PTPN4: variants seen among roughly 807,000 people sequenced by gnomAD.
PTPN4 encodes tyrosine-protein phosphatase non-receptor type 4.
In PTPN4, 49 loss-of-function variants were observed where a neutral mutation model predicts 135.5. The observed-to-expected ratio is 0.36, with a 90% CI of 0.29 to 0.46. The LOEUF (loss-of-function observed/expected upper bound fraction) is 0.46, where lower values mean the gene tolerates loss of function less well. Ranked by LOEUF, PTPN4 falls within the 20% of genes least tolerant of loss-of-function variation. The pLI, the probability that PTPN4 is intolerant of heterozygous loss-of-function variation, is 1.00. For synonymous variants in PTPN4, 333 were observed against 369.9 expected (o/e 0.90, Z 1.14); for missense variants, 860 against 1,101.0 (o/e 0.78, Z 3.10).
At chr2:119,852,010 G>A (rs940020377) in intron 2 of PTPN4, among the ~76,000 whole-genome samples, 8 of 152,106 alleles carry the variant, frequency 5.3e-5, no homozygotes, top group Non-Finnish European at 1.2e-4. Flanking sequence ...GTAGGTTTTG[G>A]TCTGTGAGGA....
rs572432517 is a variant in PTPN4, at chr2:119,763,530, A to G, written c.-18+3146A>G. Among the ~76,000 whole-genome samples the G allele has an allele frequency of 1.2e-4, 19 of 152,292 alleles. No individual in the cohort carries two copies. In the South Asian group the frequency reaches 2.3e-3, roughly 18 times the overall value. The stretch of plus-strand genomic sequence containing the variant: ...GTCCTCTCCCTGCCAAATAGAAGCT[A>G]AGGGAAATGAAATAACTTGTCTAGG... On this transcript the variant is annotated intron_variant, in intron 1 of 26. Coordinates refer to ENST00000263708, the MANE Select transcript of PTPN4 (RefSeq NM_002830.4).
intron 2 of PTPN4, among the ~76,000 whole-genome samples, chr2:119,844,495 A>T (rs1344901197): frequency 7.2e-6 from 1 of 139,514 alleles, no homozygotes; most frequent in Admixed American, 7.0e-5. Flanking sequence ...CACTTCTCAG[A>T]CGGGGTGGTT....
Position 119,984,702 on chromosome 2 carries a change from CAAGAT to C in PTPN4, c.*7635_*7639del, listed in dbSNP as rs1015853137. Reference sequence around the variant, plus strand: ...ACAAAAAAATTACAACTACAGCAAACAAGATAAAAATGCTGGTTTGCATTAATACT... The same window carrying C: ...ACAAAAAAATTACAACTACAGCAAACAAAAATGCTGGTTTGCATTAATACT... On this transcript the variant is annotated 3_prime_UTR_variant, in exon 27 of 27. Transcript: ENST00000263708. 7.9e-5 allele frequency among the ~76,000 whole-genome samples: 12 copies of C among 152,110 alleles called. No homozygotes were observed. Among genetic ancestry groups the C allele is most frequent in the African/African-American group, 2.7e-4 (11 of 41,426 alleles).
At chr2:119,949,550 G>A (rs535853277) in intron 18 of PTPN4, among the ~76,000 whole-genome samples, 61 of 152,176 alleles carry the variant, frequency 4.0e-4, no homozygotes, top group African/African-American at 9.2e-4. Flanking sequence ...TCATTTTAAC[G>A]TAGTTTATTG....
At chr2:119,854,437 C>A (rs1278545221) in intron 2 of PTPN4, among the ~76,000 whole-genome samples, 1 of 152,142 alleles carries the variant, frequency 6.6e-6, no homozygotes, top group Non-Finnish European at 1.5e-5. Flanking sequence ...CTTAATAACT[C>A]CCGTAATATT....
intron 10 of PTPN4, among the ~76,000 whole-genome samples, chr2:119,902,755 G>A (rs1227083264): frequency 1.3e-5 from 2 of 152,190 alleles, no homozygotes; most frequent in Non-Finnish European, 2.9e-5. Context: ...ATCCTCAATA[G>A]TTCACATTTG....
At chr2:119,962,487 T>G in intron 23 of PTPN4, 129 bp from the exon 24 acceptor site, 1 of 511,880 alleles carries the variant, frequency 2.0e-6, no homozygotes, top group East Asian at 5.2e-5. Context: ...CAGATCGAGA[T>G]GAAATTTATT....
chr2:119,772,702 TA>T (rs1323448556), intron 1 of PTPN4, among the ~76,000 whole-genome samples: 4 of 152,138 alleles, frequency 2.6e-5, no homozygotes, highest in Non-Finnish European at 5.9e-5. Context: ...CACACCCAGC[TA>T]ATTTTTTATA....
chr2:119,817,154 A>G (rs1677000105), intron 2 of PTPN4, among the ~76,000 whole-genome samples: 4 of 152,066 alleles, frequency 2.6e-5, no homozygotes. Context: ...CCTGAATGGT[A>G]TTGCCTAGGT....
chr2:119,962,483 G>A (rs985790723), intron 23 of PTPN4, 133 bp from the exon 24 acceptor site: 1 of 453,516 alleles, frequency 2.2e-6, no homozygotes, highest in South Asian at 8.6e-5. Context: ...TCAGCAGATC[G>A]AGATGAAATT....
chr2:119,871,989 A>G (rs1395725823), intron 3 of PTPN4, among the ~76,000 whole-genome samples: 1 of 152,206 alleles, frequency 6.6e-6, no homozygotes, highest in Non-Finnish European at 1.5e-5. Flanking sequence ...TTATAATAAA[A>G]TGATGAAAGA....
intron 2 of PTPN4, among the ~76,000 whole-genome samples, chr2:119,844,657 C>A (rs898929319): frequency 6.0e-5 from 9 of 149,398 alleles, no homozygotes; most frequent in African/African-American, 2.0e-4. Context: ...AGAGGATGGG[C>A]GGCCGGGCAG....
intron 9 of PTPN4, among the ~76,000 whole-genome samples, chr2:119,896,978 T>C (rs1177149016): frequency 3.9e-5 from 6 of 152,212 alleles, no homozygotes; most frequent in African/African-American, 9.7e-5. Flanking sequence ...TGAAGTATAG[T>C]GGTGCAGTCT....
intron 1 of PTPN4, among the ~76,000 whole-genome samples, chr2:119,771,877 A>G (rs1314051723): frequency 6.6e-6 from 1 of 152,196 alleles, no homozygotes; most frequent in Non-Finnish European, 1.5e-5. Flanking sequence ...GCAGTTTGCT[A>G]TAGTTTTGCC....
At chr2:119,786,105 A>T (rs1210889016) in intron 1 of PTPN4, among the ~76,000 whole-genome samples, 4 of 152,188 alleles carry the variant, frequency 2.6e-5, no homozygotes, top group African/African-American at 9.7e-5. Context: ...ATAGCCTAGG[A>T]CAGTGCTACT....
chr2:119,862,439 G>A, intron 2 of PTPN4, 97 bp from the exon 3 acceptor site: 7 of 1,072,784 alleles, frequency 6.5e-6, no homozygotes, highest in Non-Finnish European at 9.5e-6. Flanking sequence ...TGGCATAAAT[G>A]GGTTAATAGA....
At chr2:119,949,259 A>T (rs1574417544) in intron 18 of PTPN4, among the ~76,000 whole-genome samples, 2 of 152,232 alleles carry the variant, frequency 1.3e-5, no homozygotes, top group South Asian at 4.1e-4. Flanking sequence ...GGGGGAAAAA[A>T]TTAAAACAAT....
chr2:119,940,960 A>G (rs1253252809), intron 15 of PTPN4, among the ~76,000 whole-genome samples: 3 of 152,164 alleles, frequency 2.0e-5, no homozygotes, highest in African/African-American at 4.8e-5. Flanking sequence ...TAAAGCCAGT[A>G]AATGCTGGCC....
Position 119,847,315 on chromosome 2 carries a change from C to CATAT in PTPN4, c.139-15210_139-15207dup, listed in dbSNP as rs1307603803. On this transcript the variant is annotated intron_variant, in intron 2 of 26. Coordinates refer to ENST00000263708, the MANE Select transcript of PTPN4 (RefSeq NM_002830.4). Reference sequence around the variant, plus strand: ...ACACACACACACACACACACACACACATATATATATATATTTTTTTTTTTT... The same window carrying CATAT: ...ACACACACACACACACACACACACACATATATATATATATATATTTTTTTTTTTT... Among the ~76,000 whole-genome samples the CATAT allele has an allele frequency of 1.8e-3, 166 of 94,476 alleles. 1 individual carries two copies. The highest frequency in any genetic ancestry group is 0.016 in the South Asian group (42 of 2,674). The allele number at this position is 94,476 out of a possible 152,430, so 62.0% of individuals were successfully genotyped here. A position where few individuals can be genotyped will look rare whatever the true frequency, so the allele number is the denominator to read the frequency against.
Sources: allele counts gnomAD v4.1 joint callset (sites outside exome capture counted in the v4.1 genomes callset), GRCh38; gene constraint gnomAD v4.1.1; transcripts MANE v1.5; gene names NCBI Gene and HGNC (gene_info 2026-07-23, HGNC 2026-07-21).